Variants in TYW1B observed in about 807,000 individuals in gnomAD.
TYW1B encodes the protein S-adenosyl-L-methionine-dependent tRNA 4-demethylwyosine synthase TYW1B.
A neutral mutation model predicts 86.9 loss-of-function variants in TYW1B; 73 were observed. The observed-to-expected ratio is 0.84, with a 90% CI of 0.70 to 1.02. The LOEUF is 1.02. Ranked by LOEUF, TYW1B falls within the 50% of genes least tolerant of loss-of-function variation. TYW1B has a pLI of 0.00. For missense variants in TYW1B, 637 were observed against 827.4 expected, an observed-to-expected ratio of 0.77 and a Z score of 2.82; for synonymous variants, 248 against 292.8, an observed-to-expected ratio of 0.85 and a Z score of 1.56.
At chr7:72,649,758 G>A in intron 11 of TYW1B, among the ~76,000 whole-genome samples, 1 of 152,160 alleles carries the variant, frequency 6.6e-6, no homozygotes, top group East Asian at 1.9e-4. Flanking sequence ...ATAAGCCCTA[G>A]AGCAGGTCTA....
intron 13 of TYW1B, among the ~76,000 whole-genome samples, chr7:72,594,696 G>C (rs1165604569): frequency 6.6e-6 from 1 of 152,012 alleles, no homozygotes; most frequent in Non-Finnish European, 1.5e-5. Flanking sequence ...GACAAAGATC[G>C]TACTGGAAGA....
intron 8 of TYW1B, among the ~76,000 whole-genome samples, chr7:72,735,785 G>A (rs1189570693): frequency 5.4e-5 from 8 of 149,072 alleles, no homozygotes; most frequent in Non-Finnish European, 8.9e-5. Context: ...GACAAGAATC[G>A]CTTGAACCTG....
intron 13 of TYW1B, among the ~76,000 whole-genome samples, chr7:72,586,973 T>G (rs1436365777): frequency 4.6e-5 from 7 of 152,114 alleles, no homozygotes; most frequent in Non-Finnish European, 8.8e-5. Context: ...AAAAGAACAC[T>G]AATGCAAAAC....
rs190288151 is a variant in TYW1B, at chr7:72,801,126, C to T, written c.846+1274G>A. Among the ~76,000 whole-genome samples the T allele has an allele frequency of 4.1e-3, 628 of 152,150 alleles. 2 individuals are homozygous for T. The highest frequency in any genetic ancestry group is 6.1e-3 in the Non-Finnish European group (417 of 68,026). Reference sequence around the variant, plus strand: ...GGCAGATCACCTGAGGTCAGGAGTTCGAGACCAGCCTGGCCAACATGGTGA... The same window carrying T: ...GGCAGATCACCTGAGGTCAGGAGTTTGAGACCAGCCTGGCCAACATGGTGA... On this transcript the variant is annotated intron_variant, in intron 6 of 13. Transcript: ENST00000620995.
intron 12 of TYW1B, among the ~76,000 whole-genome samples, chr7:72,621,228 G>C (rs1812206585): frequency 6.6e-6 from 1 of 152,174 alleles, no homozygotes; most frequent in Non-Finnish European, 1.5e-5. Flanking sequence ...ACCACAAGCA[G>C]CTGTTGGCAC....
chr7:72,693,541 T>G lies in TYW1B; in HGVS notation c.1506+1146A>C, dbSNP rs1431812821. Among the ~76,000 whole-genome samples the G allele has an allele frequency of 4.6e-5, 7 of 151,710 alleles. No homozygotes were observed. In the East Asian group the frequency reaches 1.2e-3, roughly 25 times the overall value. On this transcript the variant is annotated intron_variant, in intron 11 of 13. Coordinates refer to ENST00000620995, the MANE Select transcript of TYW1B (RefSeq NM_001145440.3). ...CTCCCACCTTAGCCTCCTGAGTAGC[T>G]AGGACCACAGGTAATTTTTGTATTT... is the stretch of plus-strand genomic sequence containing the variant.
chr7:72,736,473 G>C (rs1554461039), intron 8 of TYW1B, among the ~76,000 whole-genome samples: 3 of 152,202 alleles, frequency 2.0e-5, no homozygotes. Flanking sequence ...GCTTCTAAGA[G>C]AAGTTACTAT....
rs116161604 is a variant in TYW1B at position 72,583,888 on chromosome 7, C to T, written c.1786-8169G>A. Among the ~76,000 whole-genome samples the T allele has an allele frequency of 3.0e-3, 460 of 152,308 alleles. 1 individual carries two copies. Among genetic ancestry groups the T allele is most frequent in the African/African-American group, 0.011 (438 of 41,570 alleles). ...GTGATAGATGTGCTTAGGCCATATCCTCAGGAAGTAGAAGGGCCAAGATTC... is the reference window on the plus strand; with the variant it reads ...GTGATAGATGTGCTTAGGCCATATCTTCAGGAAGTAGAAGGGCCAAGATTC... On this transcript the variant is annotated intron_variant, in intron 13 of 13. Transcript: ENST00000620995.
intron 11 of TYW1B, among the ~76,000 whole-genome samples, chr7:72,684,213 CCA>C (rs1813948826): frequency 6.6e-6 from 1 of 152,022 alleles, no homozygotes; most frequent in African/African-American, 2.4e-5. Context: ...AGGCCCCAAA[CCA>C]CAGTTTGTCA....
At chr7:72,685,058 G>A (rs554097080) in intron 11 of TYW1B, among the ~76,000 whole-genome samples, 4 of 150,786 alleles carry the variant, frequency 2.7e-5, no homozygotes, top group South Asian at 2.1e-4. Context: ...GTTGCAGTGC[G>A]CCAAGATCAG....
chr7:72,636,730 G>A lies in TYW1B; in HGVS notation c.1507-7733C>T, dbSNP rs2186387. Among the ~76,000 whole-genome samples, 814 of 152,078 alleles carry A rather than the reference G, an allele frequency of 5.4e-3. 32 individuals carry two copies. The highest frequency in any genetic ancestry group is 0.047 in the Admixed American group (717 of 15,272). ...ATCATAAATAGGTTGATTTTTACAC[G>A]TTAAACAAAACTCGCATTCTTAGAA... On this transcript the variant is annotated intron_variant, in intron 11 of 13. Transcript: ENST00000620995.
chr7:72,654,847 C>T (rs1337734610), intron 11 of TYW1B, among the ~76,000 whole-genome samples: 1 of 152,174 alleles, frequency 6.6e-6, no homozygotes, highest in African/African-American at 2.4e-5. Context: ...TGCCATTGCA[C>T]TCCAGCCTGG....
chr7:72,709,205 G>A (rs1322141599), intron 10 of TYW1B, among the ~76,000 whole-genome samples: 1 of 152,106 alleles, frequency 6.6e-6, no homozygotes, highest in Non-Finnish European at 1.5e-5. Context: ...TATTTCAATG[G>A]ATAACAAAGA....
chr7:72,824,671 G>A (rs1482381801), intron 2 of TYW1B, among the ~76,000 whole-genome samples: 5 of 151,782 alleles, frequency 3.3e-5, no homozygotes, highest in African/African-American at 1.2e-4. Flanking sequence ...AACCCAGGAG[G>A]CGGAGGTTGT....
At chr7:72,797,056 C>A (rs1320783857) in intron 6 of TYW1B, among the ~76,000 whole-genome samples, 1 of 152,092 alleles carries the variant, frequency 6.6e-6, no homozygotes, top group Non-Finnish European at 1.5e-5. Context: ...ATCCGCCTGC[C>A]TCAGCCTCCC....
intron 12 of TYW1B, among the ~76,000 whole-genome samples, chr7:72,626,660 T>C (rs1202919693): frequency 2.0e-5 from 3 of 152,148 alleles, no homozygotes; most frequent in Admixed American, 6.6e-5. Flanking sequence ...TGATTCTTTT[T>C]TCGTTCAGCC....
intron 7 of TYW1B, among the ~76,000 whole-genome samples, chr7:72,763,653 ATGAG>A (rs1787725177): frequency 6.6e-6 from 1 of 152,222 alleles, no homozygotes; most frequent in African/African-American, 2.4e-5. Flanking sequence ...CTCTGATTAA[ATGAG>A]TAACTACTAT....
At chr7:72,821,568 C>CA (rs1265408012) in intron 2 of TYW1B, among the ~76,000 whole-genome samples, 1 of 152,180 alleles carries the variant, frequency 6.6e-6, no homozygotes, top group African/African-American at 2.4e-5. Context: ...GTGCTATTCC[C>CA]AAACAAACAT....
chr7:72,628,490 G>A (rs1175185784), intron 12 of TYW1B, among the ~76,000 whole-genome samples: 6 of 152,032 alleles, frequency 3.9e-5, no homozygotes, highest in Non-Finnish European at 8.8e-5. Context: ...GTGAGTGATG[G>A]GTGGATGGGA....
Sources: gnomAD v4.1 joint callset for allele counts (sites outside exome capture counted in the v4.1 genomes callset) on GRCh38, gnomAD v4.1.1 for gene constraint, MANE v1.5 for transcripts, NCBI Gene and HGNC (gene_info 2026-07-23, HGNC 2026-07-21) for gene names.